Variants in LRRC4C observed in about 807,000 individuals in gnomAD.
LRRC4C encodes leucine rich repeat containing 4C.
In LRRC4C, 5 loss-of-function variants were observed where a neutral mutation model predicts 33.6. The ratio of observed to expected loss-of-function variants is 0.15; its 90% confidence interval spans 0.08 to 0.31. The LOEUF (loss-of-function observed/expected upper bound fraction) is 0.31, where lower values mean the gene tolerates loss of function less well. Among genes scored for constraint, LRRC4C ranks in the 10% least tolerant of loss-of-function variants. LRRC4C has a pLI of 1.00. For synonymous variants in LRRC4C, 329 were observed against 302.0 expected, an observed-to-expected ratio of 1.09 and a Z score of -0.93; for missense variants, 560 against 796.7, an observed-to-expected ratio of 0.70 and a Z score of 3.58.
At chr11:41,077,069 G>T (rs1939206924) in intron 1 of LRRC4C, among the ~76,000 whole-genome samples, 1 of 152,210 alleles carries the variant, frequency 6.6e-6, no homozygotes, top group Admixed American at 6.5e-5. Flanking sequence ...TGCAAGGGGT[G>T]GGCTCACATG....
chr11:40,794,621 T>C (rs953073490), intron 2 of LRRC4C, among the ~76,000 whole-genome samples: 2 of 152,204 alleles, frequency 1.3e-5, no homozygotes, highest in African/African-American at 4.8e-5. Flanking sequence ...AATAGGTTTC[T>C]ATCCTGCAAG....
At chr11:40,738,419 A>G (rs907117838) in intron 2 of LRRC4C, among the ~76,000 whole-genome samples, 4 of 152,068 alleles carry the variant, frequency 2.6e-5, no homozygotes, top group Non-Finnish European at 2.9e-5. Context: ...CTTTCTATGT[A>G]CTATCTCTCT....
At chr11:41,257,814 C>T (rs949807218) in intron 1 of LRRC4C, among the ~76,000 whole-genome samples, 3 of 152,070 alleles carry the variant, frequency 2.0e-5, no homozygotes, top group African/African-American at 7.2e-5. Flanking sequence ...CACCTCCCTG[C>T]ATCTAGCTCA....
chr11:40,593,442 CA>C (rs1959148996), intron 3 of LRRC4C, among the ~76,000 whole-genome samples: 1 of 152,132 alleles, frequency 6.6e-6, no homozygotes, highest in Non-Finnish European at 1.5e-5. Context: ...TGCATATACA[CA>C]GACACAAGTA....
chr11:40,755,719 T>A (rs1948917314), intron 2 of LRRC4C, among the ~76,000 whole-genome samples: 1 of 152,044 alleles, frequency 6.6e-6, no homozygotes, highest in South Asian at 2.1e-4. Context: ...GTCCAAATAT[T>A]CATAGTACAT....
intron 1 of LRRC4C, among the ~76,000 whole-genome samples, chr11:40,994,736 C>T (rs1383123702): frequency 6.6e-6 from 1 of 151,940 alleles, no homozygotes; most frequent in East Asian, 1.9e-4. Context: ...GCCTTTTATC[C>T]CAACTTGGAT....
chr11:41,010,263 TG>T (rs1855076910), intron 1 of LRRC4C, among the ~76,000 whole-genome samples: 2 of 152,308 alleles, frequency 1.3e-5, no homozygotes, highest in Admixed American at 6.5e-5. Context: ...AATATCCAGT[TG>T]ATACTTGTTA....
At chr11:40,878,726 C>A (rs957372133) in intron 2 of LRRC4C, among the ~76,000 whole-genome samples, 43 of 152,128 alleles carry the variant, frequency 2.8e-4, no homozygotes, top group African/African-American at 9.9e-4. Flanking sequence ...TATTCAAATA[C>A]CTTGATCACT....
intron 1 of LRRC4C, among the ~76,000 whole-genome samples, chr11:41,060,517 T>C (rs993266629): frequency 5.9e-5 from 9 of 152,132 alleles, no homozygotes; most frequent in African/African-American, 2.2e-4. Flanking sequence ...CATATGTCCT[T>C]TTCTAGGTGT....
At chr11:40,998,924 G>T (rs1360493757) in intron 1 of LRRC4C, among the ~76,000 whole-genome samples, 2 of 151,938 alleles carry the variant, frequency 1.3e-5, no homozygotes, top group Non-Finnish European at 2.9e-5. Context: ...CTCCTTTCCC[G>T]CATCATCTAT....
chr11:40,527,124 G>T (rs1009109958), intron 3 of LRRC4C, among the ~76,000 whole-genome samples: 1 of 152,074 alleles, frequency 6.6e-6, no homozygotes, highest in Non-Finnish European at 1.5e-5. Flanking sequence ...GGGGGTGAGG[G>T]GATATTGACA....
At chr11:40,698,890 G>A (rs1353140177) in intron 2 of LRRC4C, among the ~76,000 whole-genome samples, 3 of 152,052 alleles carry the variant, frequency 2.0e-5, no homozygotes, top group Non-Finnish European at 2.9e-5. Context: ...CAGCATGGGG[G>A]AAACCGCCCC....
chr11:40,805,942 C>A (rs1471864591), intron 2 of LRRC4C, among the ~76,000 whole-genome samples: 1 of 152,114 alleles, frequency 6.6e-6, no homozygotes, highest in Admixed American at 6.5e-5. Flanking sequence ...TCTGTCCTTG[C>A]CTTTTGAGTA....
At chr11:40,934,224 T>C (rs1042961223) in intron 1 of LRRC4C, among the ~76,000 whole-genome samples, 1 of 152,190 alleles carries the variant, frequency 6.6e-6, no homozygotes, top group Non-Finnish European at 1.5e-5. Context: ...CATTCTTTAA[T>C]ACCCAGCTGA....
chr11:41,023,768 T>A (rs999725996), intron 1 of LRRC4C, among the ~76,000 whole-genome samples: 1 of 151,808 alleles, frequency 6.6e-6, no homozygotes, highest in Non-Finnish European at 1.5e-5. Flanking sequence ...ATTAATTGCT[T>A]ATGTTGAAAA....
intron 5 of LRRC4C, among the ~76,000 whole-genome samples, chr11:40,171,904 A>C (rs1213754686): frequency 2.0e-5 from 3 of 151,692 alleles, no homozygotes; most frequent in Admixed American, 2.0e-4. Flanking sequence ...GTGCTTTATA[A>C]AAGCGACTTG....
chr11:40,429,441 A>G (rs1156787956), intron 3 of LRRC4C, among the ~76,000 whole-genome samples: 2 of 152,154 alleles, frequency 1.3e-5, no homozygotes, highest in African/African-American at 4.8e-5. Context: ...ATGTAAACTT[A>G]GTTTCATTCA....
chr11:41,170,883 A>T (rs943260519), intron 1 of LRRC4C, among the ~76,000 whole-genome samples: 4 of 152,234 alleles, frequency 2.6e-5, no homozygotes, highest in African/African-American at 9.6e-5. Flanking sequence ...TCCACAATCT[A>T]CAATGAACTC....
At chr11:40,865,387 T>C (rs749971354) in intron 2 of LRRC4C, among the ~76,000 whole-genome samples, 1 of 151,994 alleles carries the variant, frequency 6.6e-6, no homozygotes, top group Non-Finnish European at 1.5e-5. Flanking sequence ...CTGAGTAAAG[T>C]TAATGACAAT....
Sources: allele counts gnomAD v4.1 joint callset (sites outside exome capture counted in the v4.1 genomes callset), GRCh38; gene constraint gnomAD v4.1.1; transcripts MANE v1.5; gene names NCBI Gene and HGNC (gene_info 2026-07-23, HGNC 2026-07-21).